PCDH19: variants seen among roughly 807,000 people sequenced by gnomAD.
PCDH19 encodes the protein protocadherin 19.
In PCDH19, 6 loss-of-function variants were observed where a neutral mutation model predicts 46.2. The observed-to-expected ratio is 0.13, with a 90% CI of 0.07 to 0.26. PCDH19 has a LOEUF of 0.26. Among genes scored for constraint, PCDH19 ranks in the 10% least tolerant of loss-of-function variants. The pLI, the probability that PCDH19 is intolerant of heterozygous loss-of-function variation, is 1.00. For missense variants in PCDH19, 740 were observed against 972.3 expected, an observed-to-expected ratio of 0.76 and a Z score of 3.18; for synonymous variants, 481 against 415.7, an observed-to-expected ratio of 1.16 and a Z score of -1.91.
At chrX:100,370,992 CAT>C (rs1491208360) in intron 3 of PCDH19, among the ~76,000 whole-genome samples, 210 of 43,131 alleles carry the variant, frequency 4.9e-3, no homozygotes, top group African/African-American at 0.013. Context: ...AGTGTGTGTG[CAT>C]GTGTGTGTGT....
chrX:100,408,060 T>C lies in PCDH19; in HGVS notation c.538A>G (p.Thr180Ala), dbSNP rs1176495092. The C allele has an allele frequency of 4.1e-6, 5 of 1,209,563 alleles. No homozygotes were observed. The highest frequency in any genetic ancestry group is 5.6e-6 in the Non-Finnish European group (5 of 895,612). Residue 180 changes from threonine to alanine, a missense_variant, in exon 1 of 6, where the codon ACG becomes GCG. By Grantham distance (58) the Thr-to-Ala change is moderately conservative. Coordinates refer to ENST00000373034, the MANE Select transcript of PCDH19 (RefSeq NM_001184880.2). The part of the protein sequence containing the change: ...PNELFGLEIK[T>A]RGDGSRFAEL... The stretch of plus-strand genomic sequence containing the variant: ...GCAAAGCGGGAGCCGTCGCCGCGCG[T>C]CTTGATCTCCAGGCCGAACAGCTCG...
At chrX:100,341,854 T>G in intron 5 of PCDH19, 49 bp downstream of exon 5, 1 of 1,116,941 alleles carries the variant, frequency 9.0e-7, no homozygotes. Flanking sequence ...ACAAACATTT[T>G]GGGTTCTTTG....
chrX:100,379,204 AAAG>A (rs763861665), intron 3 of PCDH19, among the ~76,000 whole-genome samples: 6 of 110,553 alleles, frequency 5.4e-5, no homozygotes, highest in African/African-American at 1.3e-4. Context: ...CCGGGAAAGC[AAAG>A]AAGAAGAGGA....
At chrX:100,374,828 A>T (rs1433998731) in intron 3 of PCDH19, among the ~76,000 whole-genome samples, 1 of 110,523 alleles carries the variant, frequency 9.0e-6, no homozygotes, top group Non-Finnish European at 1.9e-5. Context: ...AGTCCCAGCT[A>T]CCCGGGAGGC....
rs1602563974 is a variant in PCDH19 at position 100,292,393 on chromosome X, C to T, written c.*3884G>A. Reference sequence around the variant, plus strand: ...TTTGTGGGTTATTCTTTACCAAGAGCGCCTTCCAATCTATGTATCAGACAA... The same window carrying T: ...TTTGTGGGTTATTCTTTACCAAGAGTGCCTTCCAATCTATGTATCAGACAA... On this transcript the variant is annotated 3_prime_UTR_variant, in exon 6 of 6. Transcript: ENST00000373034. The T allele has an allele frequency of 8.9e-6, 1 of 112,652 alleles. No individual in the cohort carries two copies. Among genetic ancestry groups the T allele is most frequent in the African/African-American group, 3.2e-5 (1 of 30,981 alleles). 9.3% of individuals were successfully genotyped at this position (112,652 alleles called of 1,213,427 possible). A position where few individuals can be genotyped will look rare whatever the true frequency, so the allele number is the denominator to read the frequency against.
chrX:100,406,634 G>A lies in PCDH19; in HGVS notation c.1964C>T (p.Ser655Phe), dbSNP rs1569314198. The stretch of plus-strand genomic sequence containing the variant: ...GGACAAGTAGATTAGGACGAGAGCA[G>A]AGGCAGAGAGAGATGTCTTGCCGTG... ...HDHGKTSLSA[S>F]ALVLIYLSPA... Residue 655 changes from serine (S) to phenylalanine (F), a missense_variant, in exon 1 of 6, where the codon TCT (serine) becomes TTT (phenylalanine). Transcript: ENST00000373034. The A allele has an allele frequency of 8.3e-7, 1 of 1,211,643 alleles. No individual in the cohort carries two copies. The highest frequency in any genetic ancestry group is 1.1e-6 in the Non-Finnish European group (1 of 895,416).
At chrX:100,322,833 G>GTGTATATATATATATATATATATATA (rs1322393906) in intron 5 of PCDH19, among the ~76,000 whole-genome samples, 8 of 48,795 alleles carry the variant, frequency 1.6e-4, no homozygotes, top group African/African-American at 1.1e-3. Context: ...ATATTCCTAA[G>GTGTATATATATATATATATATATATA]TATATATATA....
intron 3 of PCDH19, among the ~76,000 whole-genome samples, chrX:100,398,293 A>T (rs1206078668): frequency 8.9e-6 from 1 of 112,303 alleles, no homozygotes; most frequent in African/African-American, 3.2e-5. Flanking sequence ...ACACAAGATT[A>T]TCTCTGCAAT....
At chrX:100,341,856 G>T in intron 5 of PCDH19, 47 bp downstream of exon 5, 1 of 1,133,664 alleles carries the variant, frequency 8.8e-7, no homozygotes, top group Non-Finnish European at 1.2e-6. Context: ...AAACATTTTG[G>T]GTTCTTTGGA....
Position 100,295,717 on chromosome X carries a change from T to C in PCDH19, c.*560A>G, listed in dbSNP as rs1329487697. 9.0e-6 allele frequency: 1 copy of C among 111,322 alleles called. No individual in the cohort carries two copies. The highest frequency in any genetic ancestry group is 2.8e-4 in the East Asian group (1 of 3,522). The allele number at this position is 111,322 out of a possible 1,213,427, so 9.2% of individuals were successfully genotyped here. ...AACAATAGCACAGCTAGCAAAAGGG[T>C]TTTTAAAGCAGGGGTGTCCACAGCA... On this transcript the variant is annotated 3_prime_UTR_variant, in exon 6 of 6. Coordinates refer to ENST00000373034, the MANE Select transcript of PCDH19 (RefSeq NM_001184880.2).
intron 5 of PCDH19, among the ~76,000 whole-genome samples, chrX:100,300,913 CAA>C (rs373692507): frequency 1.2e-5 from 1 of 83,315 alleles, no homozygotes; most frequent in African/African-American, 4.6e-5. Context: ...AACCCCTGGC[CAA>C]AAAAAAAAAA....
chrX:100,295,536 A>C lies in PCDH19; in HGVS notation c.*741T>G, dbSNP rs1395764471. 1 of 112,276 alleles carries C rather than the reference A, an allele frequency of 8.9e-6. No homozygotes were observed. Among genetic ancestry groups the C allele is most frequent in the Non-Finnish European group, 1.9e-5 (1 of 53,300 alleles). 9.3% of individuals were successfully genotyped at this position (112,276 alleles called of 1,213,427 possible). On this transcript the variant is annotated 3_prime_UTR_variant, in exon 6 of 6. Coordinates refer to ENST00000373034, the MANE Select transcript of PCDH19 (RefSeq NM_001184880.2). ...AACGTGAGTATTCTCCAAGTACTCA[A>C]TCTATATGCATGGTGTTGCTCATTC...
In PCDH19 at chrX:100,299,573, C is replaced by A. The variant is rs1217812530; in HGVS notation, c.2849-2698G>T. On this transcript the variant is annotated intron_variant, in intron 5 of 5. Transcript: ENST00000373034. Reference sequence around the variant, plus strand: ...GAATAGAGAGCCCAGAGACAGACACCTCCAAGATCTTATAAATCTTGGAAG... The same window carrying A: ...GAATAGAGAGCCCAGAGACAGACACATCCAAGATCTTATAAATCTTGGAAG... Among the ~76,000 whole-genome samples, 3 of 111,132 alleles carry A rather than the reference C, an allele frequency of 2.7e-5. No individual in the cohort carries two copies. In the Admixed American group the frequency reaches 2.9e-4, roughly 11 times the overall value.
chrX:100,333,198 AAAGAAAGAAAGAAAGAAAG>A (rs1925967720), intron 5 of PCDH19, among the ~76,000 whole-genome samples: 1 of 71,565 alleles, frequency 1.4e-5, no homozygotes. Context: ...AGAAAGAAAG[AAAGAAAGAAAGAAAGAAAG>A]AAAGAAAGAA....
At chrX:100,399,164 T>A (rs1463945150) in intron 3 of PCDH19, among the ~76,000 whole-genome samples, 1 of 112,026 alleles carries the variant, frequency 8.9e-6, no homozygotes, top group African/African-American at 3.2e-5. Flanking sequence ...TAAAGAACAA[T>A]GTAAGTAACA....
At position 100,406,657 on chromosome X, in the gene PCDH19, G is replaced by A. The variant is rs765223789; in HGVS notation, c.1941C>T (p.His647=). ...CAGAGGCAGAGAGAGATGTCTTGCCGTGGTCGTGAGCCACCACGATAAGCT... is the reference window on the plus strand; with the variant it reads ...CAGAGGCAGAGAGAGATGTCTTGCCATGGTCGTGAGCCACCACGATAAGCT... The part of the protein sequence containing the change: ...SYELIVVAHD[H]GKTSLSASAL... Residue 647 remains histidine, a synonymous_variant, in exon 1 of 6, where the codon CAC becomes CAT. Coordinates refer to ENST00000373034, the MANE Select transcript of PCDH19 (RefSeq NM_001184880.2). 5 of 1,209,709 alleles carry A rather than the reference G, an allele frequency of 4.1e-6. No homozygotes were observed. Among genetic ancestry groups the A allele is most frequent in the South Asian group, 3.5e-5 (2 of 56,775 alleles).
intron 5 of PCDH19, among the ~76,000 whole-genome samples, chrX:100,305,945 A>T (rs1011462868): frequency 8.9e-6 from 1 of 111,937 alleles, no homozygotes; most frequent in Non-Finnish European, 1.9e-5. Context: ...AAGAAATAAG[A>T]TAGATGGCAA....
At chrX:100,400,389 G>A (rs1197969030) in intron 3 of PCDH19, among the ~76,000 whole-genome samples, 1 of 111,885 alleles carries the variant, frequency 8.9e-6, no homozygotes, top group African/African-American at 3.2e-5. Flanking sequence ...ATATTCCTTG[G>A]AACAACTTTG....
chrX:100,351,975 G>A (rs1926584900), intron 3 of PCDH19, among the ~76,000 whole-genome samples: 1 of 112,345 alleles, frequency 8.9e-6, no homozygotes, highest in African/African-American at 3.2e-5. Flanking sequence ...ATGTGTGAGA[G>A]AGAGGAGGAG....
Sources: gnomAD v4.1 joint callset for allele counts (sites outside exome capture counted in the v4.1 genomes callset) on GRCh38, gnomAD v4.1.1 for gene constraint, MANE v1.5 for transcripts, NCBI Gene and HGNC (gene_info 2026-07-23, HGNC 2026-07-21) for gene names.